The following VWA7 variants were observed in gnomAD, a reference collection of about 807,000 sequenced individuals.
The protein encoded by VWA7 is von Willebrand factor A domain-containing protein 7.
In VWA7, 66 loss-of-function variants were observed where a neutral mutation model predicts 83.1. The observed-to-expected ratio is 0.79, with a 90% CI of 0.65 to 0.98. VWA7 has a LOEUF of 0.98. VWA7 is among the 50% of genes least tolerant of loss of function. VWA7 has a pLI of 0.00. For missense variants in VWA7, 1,080 were observed against 1,160.2 expected (o/e 0.93, Z 1.00); for synonymous variants, 424 against 488.5 (o/e 0.87, Z 1.74).
chr6:31,769,352 A>G lies in VWA7; in HGVS notation c.1318-149T>C, dbSNP rs940848092. ...CTGGCTGCTGGGGTGGGGAATCCCAATGACAGAACCCCCTGCCTTCAGTTA... is the reference window on the plus strand; with the variant it reads ...CTGGCTGCTGGGGTGGGGAATCCCAGTGACAGAACCCCCTGCCTTCAGTTA... On this transcript the variant is annotated intron_variant, in intron 9 of 16. Transcript: ENST00000375688. This position sits in a 1 kb window ranked among gnomAD's most constrained non-coding sequence, Gnocchi z 4.5. The G allele has an allele frequency of 6.9e-6, 7 of 1,007,530 alleles. No homozygotes were observed. The highest frequency in any genetic ancestry group is 6.5e-5 in the African/African-American group (4 of 61,744). The allele number at this position is 1,007,530 out of a possible 1,614,324, so 62.4% of individuals were successfully genotyped here.
chr6:31,770,039 C>A lies in VWA7; in HGVS notation c.1162G>T (p.Gly388Cys). 1 of 1,612,838 alleles carries A rather than the reference C, an allele frequency of 6.2e-7. No individual in the cohort carries two copies. Among genetic ancestry groups the A allele is most frequent in the Non-Finnish European group, 8.5e-7 (1 of 1,179,982 alleles). The change falls in exon 8 of 17, where the codon GGT becomes TGT. Residue 388 changes from glycine to cysteine, a missense_variant. Coordinates refer to ENST00000375688, the MANE Select transcript of VWA7 (RefSeq NM_025258.3). The stretch of plus-strand genomic sequence containing the variant: ...AGGCACATCTCAGGCTCGTCTCCAC[C>A]CCCCAAGGCATGGATCTCATTAAGC... ...QQLNEIHALG[G>C]GDEPEMCLSA...
chr6:31,773,108 G>C lies in VWA7; in HGVS notation c.933C>G (p.Thr311=). 6.2e-7 allele frequency: 1 copy of C among 1,611,520 alleles called. No homozygotes were observed. The highest frequency in any genetic ancestry group is 1.3e-5 in the African/African-American group (1 of 75,040). Residue 311 remains threonine, a synonymous_variant, in exon 7 of 17, where the codon ACC becomes ACG. Coordinates refer to ENST00000375688, the MANE Select transcript of VWA7 (RefSeq NM_025258.3). This position sits in a 1 kb window ranked among gnomAD's most constrained non-coding sequence, Gnocchi z 5.3. The part of the protein sequence containing the change: ...DRDFSRLLDI[T]PASSLSFVLD... The stretch of plus-strand genomic sequence containing the variant: ...GGACAAAGCTCAGGCTGGAGGCTGG[G>C]GTGATGTCCAGCAGCCTGGGGAGCA...
In VWA7 at chr6:31,776,175, C is replaced by T. The variant is rs1448404017; in HGVS notation, c.302G>A (p.Arg101Gln). ...ACGAGACACCTCACCTAAGGCTGCT[C>T]GGAACCGCCGAGAAGAACCAGGTCC... ...YFGPGSSRRF[R>Q]AALGEVSRAN... is the part of the protein sequence containing the mutation. Residue 101 changes from arginine to glutamine, a missense_variant, in exon 3 of 17, where the codon CGA becomes CAA. Arg to Gln is a conservative substitution (Grantham distance 43). Transcript: ENST00000375688. This position sits in a 1 kb window ranked among gnomAD's most constrained non-coding sequence, Gnocchi z 6.2. The T allele has an allele frequency of 1.4e-5, 22 of 1,613,870 alleles. No individual in the cohort carries two copies. The highest frequency in any genetic ancestry group is 1.7e-5 in the Admixed American group (1 of 59,988).
In VWA7 at chr6:31,777,106, T is replaced by G; in HGVS notation, c.-16+3A>C. On this transcript the variant is annotated splice_donor_region_variant and intron_variant, in intron 1 of 16. Coordinates refer to ENST00000375688, the MANE Select transcript of VWA7 (RefSeq NM_025258.3). This position sits in a 1 kb window ranked among gnomAD's most constrained non-coding sequence, Gnocchi z 5.8. ...GCCTGAGTCCTCTCAGGCCCTCCCCTACCTGGTTGCTGGGTCTCCTGGGCA... is the reference window on the plus strand; with the variant it reads ...GCCTGAGTCCTCTCAGGCCCTCCCCGACCTGGTTGCTGGGTCTCCTGGGCA... 4 of 373,316 alleles carry G rather than the reference T, an allele frequency of 1.1e-5. No homozygotes were observed. The highest frequency in any genetic ancestry group is 8.3e-5 in the South Asian group (1 of 12,104). 23.1% of individuals were successfully genotyped at this position (373,316 alleles called of 1,614,324 possible). A position where few individuals can be genotyped will look rare whatever the true frequency, so the allele number is the denominator to read the frequency against.
Position 31,771,036 on chromosome 6 carries a change from G to GA in VWA7, c.1088-924dup, listed in dbSNP as rs1393824775. Among the ~76,000 whole-genome samples the GA allele has an allele frequency of 4.3e-3, 561 of 131,368 alleles. 4 individuals are homozygous for GA. The highest frequency in any genetic ancestry group is 0.01 in the Admixed American group (132 of 13,154). The allele number at this position is 131,368 out of a possible 152,430, so 86.2% of individuals were successfully genotyped here. ...CAAAAAAAAAAAAAAAGAAAGAAAA[G>GA]AAAAAAAAAAACTGGGTTTCCTCAT... On this transcript the variant is annotated intron_variant, in intron 7 of 16. Transcript: ENST00000375688.
At position 31,769,164 on chromosome 6, in the gene VWA7, C is replaced by G. The variant is rs775892596; in HGVS notation, c.1357G>C (p.Gly453Arg). The part of the protein sequence containing the change: ...LVTEDTSRVQ[G>R]RARREILSPL... ...GACAAGATCTCACGCCGAGCTCGAC[C>G]CTGAACCCTTGATGTATCTTCAGTC... is the stretch of plus-strand genomic sequence containing the variant. Residue 453 changes from glycine to arginine, a missense_variant, in exon 10 of 17, where the codon GGT becomes CGT. Gly to Arg is a moderately radical substitution (Grantham distance 125). Coordinates refer to ENST00000375688, the MANE Select transcript of VWA7 (RefSeq NM_025258.3). The surrounding 1 kb of genome is among the most constrained non-coding windows in gnomAD (Gnocchi z 4.5). 6.2e-7 allele frequency: 1 copy of G among 1,612,952 alleles called. No homozygotes were observed. Among genetic ancestry groups the G allele is most frequent in the Non-Finnish European group, 8.5e-7 (1 of 1,180,034 alleles).
rs1209795814 is a variant in VWA7 at position 31,769,213 on chromosome 6, G to T, written c.1318-10C>A. 3.1e-6 allele frequency: 5 copies of T among 1,605,546 alleles called. No homozygotes were observed. Among genetic ancestry groups the T allele is most frequent in the Admixed American group, 1.7e-5 (1 of 59,506 alleles). ...TCACCAGGAATGTTACCTGTACCCA[G>T]AAGAGAGCTCAGTGATTGGGGTGTC... On this transcript the variant is annotated splice_polypyrimidine_tract_variant and intron_variant, in intron 9 of 16. Transcript: ENST00000375688. The surrounding 1 kb of genome is among the most constrained non-coding windows in gnomAD (Gnocchi z 4.5).
chr6:31,766,044 G>A lies in VWA7; in HGVS notation c.2338C>T (p.Leu780=). 1 of 1,613,022 alleles carries A rather than the reference G, an allele frequency of 6.2e-7. No homozygotes were observed. The highest frequency in any genetic ancestry group is 8.5e-7 in the Non-Finnish European group (1 of 1,180,026). The change falls in exon 16 of 17, where the codon CTG becomes TTG. Residue 780 remains leucine, a synonymous_variant. Coordinates refer to ENST00000375688, the MANE Select transcript of VWA7 (RefSeq NM_025258.3). This position sits in a 1 kb window ranked among gnomAD's most constrained non-coding sequence, Gnocchi z 4.9. ...AGGCGGCCCCAGGCCGACTCATTCAGTTCCAGGTGAGCCCTGGAGAGAGGA... is the reference window on the plus strand; with the variant it reads ...AGGCGGCCCCAGGCCGACTCATTCAATTCCAGGTGAGCCCTGGAGAGAGGA... ...TSNLSRAHLE[L]NESAWGRLWL...
rs535132715 is a variant in VWA7 at position 31,773,075 on chromosome 6, G to A, written c.966C>T (p.Thr322=). The A allele has an allele frequency of 1.9e-6, 3 of 1,612,330 alleles. No homozygotes were observed. The highest frequency in any genetic ancestry group is 1.7e-6 in the Non-Finnish European group (2 of 1,179,734). Residue 322 remains threonine, a synonymous_variant, in exon 7 of 17, where the codon ACC becomes ACT. Coordinates refer to ENST00000375688, the MANE Select transcript of VWA7 (RefSeq NM_025258.3). This position sits in a 1 kb window ranked among gnomAD's most constrained non-coding sequence, Gnocchi z 5.3. ...PASSLSFVLD[T]TGSMGEEINA... ...TGATCTCCTCACCCATGCTGCCCGT[G>A]GTGTCCAGGACAAAGCTCAGGCTGG...
intron 10 of VWA7, 70 bp from the exon 11 acceptor site, chr6:31,767,824 G>C: frequency 6.5e-7 from 1 of 1,539,962 alleles, no homozygotes. Flanking sequence ...AAGAAGAAAG[G>C]GGAGATAGAA....
In VWA7 at chr6:31,770,118, G is replaced by T; in HGVS notation, c.1088-5C>A. On this transcript the variant is annotated splice_region_variant and splice_polypyrimidine_tract_variant and intron_variant, in intron 7 of 16. Transcript: ENST00000375688. ...TTGTAAAGACAGGGCCGAACCCTGG[G>T]AAGGGGAAAGGAGGTTAAGATAAGT... The T allele has an allele frequency of 6.2e-7, 1 of 1,611,414 alleles. No homozygotes were observed. The highest frequency in any genetic ancestry group is 8.5e-7 in the Non-Finnish European group (1 of 1,178,640).
intron 7 of VWA7, 71 bp downstream of exon 7, chr6:31,772,883 G>C: frequency 6.5e-7 from 1 of 1,528,838 alleles, no homozygotes; most frequent in Non-Finnish European, 8.8e-7. Flanking sequence ...ACAGGCGTGA[G>C]CCACCACGCC....
chr6:31,772,821 A>T, intron 7 of VWA7, 133 bp downstream of exon 7: 1 of 1,110,760 alleles, frequency 9.0e-7, no homozygotes, highest in African/African-American at 1.6e-5. Flanking sequence ...CTGGTCTCAA[A>T]CTCCCGACCT....
intron 5 of VWA7, 95 bp downstream of exon 5, chr6:31,774,421 G>A: frequency 8.5e-7 from 1 of 1,172,736 alleles, no homozygotes; most frequent in South Asian, 1.4e-5. Context: ...CCTAGGAGGA[G>A]ATGCCATAGC....
rs756690482 is a variant in VWA7 at position 31,765,994 on chromosome 6, C to T, written c.2388G>A (p.Ala796=). 55 of 1,612,878 alleles carry T rather than the reference C, an allele frequency of 3.4e-5. No homozygotes were observed. Among genetic ancestry groups the T allele is most frequent in the Non-Finnish European group, 4.3e-5 (51 of 1,180,046 alleles). ...GRLWLEVPDS[A]APDSVVMVTV... ...TCACCATCACCACGGAATCCGGGGC[C>T]GCTGAATCTGGGACCTCCAGCCACA... The change falls in exon 16 of 17, where the codon GCG becomes GCA. Residue 796 remains alanine, a synonymous_variant. Transcript: ENST00000375688.
intron 5 of VWA7, among the ~76,000 whole-genome samples, chr6:31,774,118 T>C (rs7382084): frequency 0.03 from 3,919 of 132,256 alleles, 154 homozygotes; most frequent in African/African-American, 0.098. Flanking sequence ...CGTGCCACTG[T>C]ACTCCAGCCT....
rs543762163 is a variant in VWA7 at position 31,775,377 on chromosome 6, G to A, written c.566C>T (p.Pro189Leu). 1.9e-6 allele frequency: 3 copies of A among 1,612,556 alleles called. No homozygotes were observed. Among genetic ancestry groups the A allele is most frequent in the Non-Finnish European group, 2.5e-6 (3 of 1,179,826 alleles). Reference protein sequence around the residue: ...WVELGEQQPHPHLLWPRQELQ... With the variant: ...WVELGEQQPHLHLLWPRQELQ... ...CTCCTGCCTTGGCCAGAGGAGGTGAGGGTGTGGCTGCTGCTCGCCCAGCTC... is the reference window on the plus strand; with the variant it reads ...CTCCTGCCTTGGCCAGAGGAGGTGAAGGTGTGGCTGCTGCTCGCCCAGCTC... The change falls in exon 4 of 17, where the codon CCT becomes CTT. Residue 189 changes from proline to leucine, a missense_variant. By Grantham distance (98) the Pro-to-Leu change is moderately conservative. Transcript: ENST00000375688. The surrounding 1 kb of genome is among the most constrained non-coding windows in gnomAD (Gnocchi z 5.9).
intron 5 of VWA7, among the ~76,000 whole-genome samples, chr6:31,774,278 C>T (rs1359904449): frequency 6.6e-6 from 1 of 151,996 alleles, no homozygotes; most frequent in Non-Finnish European, 1.5e-5. Context: ...TCCCTCCAGC[C>T]AGTCCCCCAA....
In VWA7 at chr6:31,767,711, G is replaced by A; in HGVS notation, c.1547C>T (p.Pro516Leu). 1 of 1,612,992 alleles carries A rather than the reference G, an allele frequency of 6.2e-7. No homozygotes were observed. Among genetic ancestry groups the A allele is most frequent in the Non-Finnish European group, 8.5e-7 (1 of 1,179,008 alleles). The change falls in exon 11 of 17, where the codon CCA becomes CTA. Residue 516 changes from proline to leucine, a missense_variant. Transcript: ENST00000375688. ...CAGCCCATCCACGCTGAACACAAGT[G>A]GCTGCCCAGGCACCACAACAGGAGG... is the stretch of plus-strand genomic sequence containing the variant. ...LDPPVVVPGQPLVFSVDGLLQ... is the reference protein window; with the variant it reads ...LDPPVVVPGQLLVFSVDGLLQ...
Sources: gnomAD v4.1 joint callset for allele counts (sites outside exome capture counted in the v4.1 genomes callset) on GRCh38, gnomAD v4.1.1 for gene constraint, Gnocchi (gnomAD v3.1) non-coding constraint, MANE v1.5 for transcripts, NCBI Gene and HGNC (gene_info 2026-07-23, HGNC 2026-07-21) for gene names.